Variants in TM2D3 observed in about 807,000 individuals in gnomAD.
TM2D3 encodes the protein TM2 domain containing 3.
TM2D3 carries 33 observed loss-of-function variants against 27.3 expected under a neutral mutation model. That is an observed-to-expected ratio of 1.21 (90% CI 0.92 to 1.61). TM2D3 has a LOEUF of 1.61. TM2D3 is among the 40% of genes most tolerant of loss of function. The pLI is 0.00. For missense variants in TM2D3, 364 were observed against 320.8 expected (o/e 1.13, Z -1.03); for synonymous variants, 138 against 122.2 (o/e 1.13, Z -0.85).
chr15:101,644,737 G>T (rs535906294), intron 5 of TM2D3, among the ~76,000 whole-genome samples: 1 of 152,138 alleles, frequency 6.6e-6, no homozygotes, highest in African/African-American at 2.4e-5. Context: ...CATTTTTCCA[G>T]TTTTCAGTGT....
chr15:101,646,585 G>T, intron 4 of TM2D3, 140 bp downstream of exon 4: 1 of 826,762 alleles, frequency 1.2e-6, no homozygotes, highest in Non-Finnish European at 2.0e-6. Flanking sequence ...TGAGTTTATT[G>T]ATGATGCTTG....
intron 3 of TM2D3, among the ~76,000 whole-genome samples, chr15:101,647,903 T>G (rs989208968): frequency 6.6e-6 from 1 of 152,098 alleles, no homozygotes; most frequent in Non-Finnish European, 1.5e-5. Flanking sequence ...ACATTATTTT[T>G]TTTTCTTTTT....
intron 3 of TM2D3, chr15:101,648,314 A>G (rs547031661): frequency 2.0e-4 from 30 of 152,340 alleles, no homozygotes; most frequent in African/African-American, 7.2e-4. Flanking sequence ...AGCAAGTACT[A>G]TTCATTTTCT....
At chr15:101,640,018 G>A (rs761954777), downstream of TM2D3, among the ~76,000 whole-genome samples, 4 of 152,306 alleles carry the variant, frequency 2.6e-5, no homozygotes, top group South Asian at 2.1e-4. Flanking sequence ...ATGACAGATG[G>A]CCTGCTGCAG....
chr15:101,647,003 TA>T (rs759207719), intron 3 of TM2D3, 104 bp from the exon 4 acceptor site: 36 of 1,245,464 alleles, frequency 2.9e-5, no homozygotes, highest in Non-Finnish European at 3.9e-5. Flanking sequence ...TAAATGCTTG[TA>T]TTTAGGACCT....
At chr15:101,640,485 A>G (rs1489444399), downstream of TM2D3, among the ~76,000 whole-genome samples, 1 of 152,208 alleles carries the variant, frequency 6.6e-6, no homozygotes, top group East Asian at 1.9e-4. Context: ...TGTTATAGCA[A>G]TCCTGAAAAT....
At chr15:101,640,847 C>T (rs532993840), downstream of TM2D3, among the ~76,000 whole-genome samples, 1 of 152,296 alleles carries the variant, frequency 6.6e-6, no homozygotes, top group Non-Finnish European at 1.5e-5. Flanking sequence ...TCATTTATGC[C>T]TCCTTTCATG....
At chr15:101,638,324 C>T (rs1485528883), downstream of TM2D3, among the ~76,000 whole-genome samples, 7 of 150,678 alleles carry the variant, frequency 4.6e-5, no homozygotes, top group African/African-American at 1.5e-4. Flanking sequence ...GACAGAGTTT[C>T]GCTCTTGTTG....
downstream of TM2D3, among the ~76,000 whole-genome samples, chr15:101,640,568 G>A (rs935991022): frequency 2.0e-5 from 3 of 152,180 alleles, no homozygotes; most frequent in African/African-American, 7.2e-5. Flanking sequence ...GAGGCCCATG[G>A]GATTTGCTAC....
intron 3 of TM2D3, among the ~76,000 whole-genome samples, chr15:101,647,181 T>C (rs1896836792): frequency 6.6e-6 from 1 of 152,254 alleles, no homozygotes; most frequent in Non-Finnish European, 1.5e-5. Flanking sequence ...GGTGATATAA[T>C]TATTTCATAA....
rs1896686804 is a variant in TM2D3, at chr15:101,642,251, C to T, written c.*228G>A. 1.6e-6 allele frequency: 2 copies of T among 1,217,952 alleles called. No homozygotes were observed. Among genetic ancestry groups the T allele is most frequent in the South Asian group, 6.3e-5 (2 of 31,886 alleles). The allele number at this position is 1,217,952 out of a possible 1,614,324, so 75.4% of individuals were successfully genotyped here. A position where few individuals can be genotyped will look rare whatever the true frequency, so the allele number is the denominator to read the frequency against. ...ATCACTGTATAATTCATTCTCCTGG[C>T]TTAAGTACGTTTTAATTTTTTCACA... is the stretch of plus-strand genomic sequence containing the variant. On this transcript the variant is annotated 3_prime_UTR_variant, in exon 6 of 6. Transcript: ENST00000333202.
At chr15:101,633,496 C>T in exon 5 of TM2D3, 1 of 490,794 alleles carries the variant, frequency 2.0e-6, no homozygotes, top group Non-Finnish European at 3.6e-6. Flanking sequence ...GCCCTCAGAT[C>T]CCGAAGGACA....
chr15:101,652,207 C>A, intron 1 of TM2D3, 64 bp downstream of exon 1: 1 of 1,453,100 alleles, frequency 6.9e-7, no homozygotes, highest in Admixed American at 1.8e-5. Context: ...CCGGCCTCCT[C>A]GCAGCTCCCG....
Position 101,646,714 on chromosome 15 carries a change from C to G in TM2D3, c.502+11G>C, listed in dbSNP as rs757550832. On this transcript the variant is annotated intron_variant, in intron 4 of 5. Transcript: ENST00000333202. ...CATTTTGTTGACAAATGTCCTTGAACTCTGACCTACCCAAGCAGTGGACGT... is the reference window on the plus strand; with the variant it reads ...CATTTTGTTGACAAATGTCCTTGAAGTCTGACCTACCCAAGCAGTGGACGT... The G allele has an allele frequency of 6.2e-7, 1 of 1,614,102 alleles. No homozygotes were observed. Among genetic ancestry groups the G allele is most frequent in the East Asian group, 2.2e-5 (1 of 44,880 alleles).
downstream of TM2D3, among the ~76,000 whole-genome samples, chr15:101,641,305 T>C (rs573432033): frequency 1.3e-5 from 2 of 152,218 alleles, no homozygotes; most frequent in East Asian, 3.9e-4. Flanking sequence ...TTTTTTTTTC[T>C]GTTTCTGGAA....
At position 101,652,371 on chromosome 15, in the gene TM2D3, G is replaced by C; in HGVS notation, c.-10C>G. The C allele has an allele frequency of 1.3e-6, 2 of 1,587,306 alleles. No individual in the cohort carries two copies. Among genetic ancestry groups the C allele is most frequent in the Non-Finnish European group, 1.7e-6 (2 of 1,168,216 alleles). ...GCACCCCTCCCGCCATCTTGCCAGC[G>C]CCTGCGCACTTCCGGGCCGGGGGGC... On this transcript the variant is annotated 5_prime_UTR_variant, in exon 1 of 6. Coordinates refer to ENST00000333202, the MANE Select transcript of TM2D3 (RefSeq NM_078474.3).
downstream of TM2D3, among the ~76,000 whole-genome samples, chr15:101,640,913 G>C (rs1896652565): frequency 1.3e-5 from 2 of 152,132 alleles, no homozygotes; most frequent in African/African-American, 4.8e-5. Context: ...ATCTAATTCA[G>C]GCCCCAGAGC....
At chr15:101,648,620 T>C (rs1316356364) in intron 3 of TM2D3, among the ~76,000 whole-genome samples, 1 of 152,194 alleles carries the variant, frequency 6.6e-6, no homozygotes, top group Non-Finnish European at 1.5e-5. Flanking sequence ...AGAGAGCTGA[T>C]TCTACACATA....
intron 4 of TM2D3, chr15:101,636,827 C>A: frequency 5.7e-6 from 2 of 350,654 alleles, no homozygotes; most frequent in Non-Finnish European, 1.2e-5. Flanking sequence ...CTCATCAATA[C>A]TTGTTATTGT....
Sources: allele counts gnomAD v4.1 joint callset (sites outside exome capture counted in the v4.1 genomes callset), GRCh38; gene constraint gnomAD v4.1.1; transcripts MANE v1.5; gene names NCBI Gene and HGNC (gene_info 2026-07-23, HGNC 2026-07-21).